Variants in RORA observed in about 807,000 individuals in gnomAD.
RORA encodes the protein nuclear receptor ROR-alpha.
RORA carries 7 observed loss-of-function variants against 69.5 expected under a neutral mutation model. That is an observed-to-expected ratio of 0.10 (90% CI 0.06 to 0.19). The LOEUF (loss-of-function observed/expected upper bound fraction) is 0.19. Ranked by LOEUF, RORA falls within the 10% of genes least tolerant of loss-of-function variation. RORA has a pLI of 1.00. For synonymous variants in RORA, 261 were observed against 240.8 expected, an observed-to-expected ratio of 1.08 and a Z score of -0.78; for missense variants, 457 against 663.0, an observed-to-expected ratio of 0.69 and a Z score of 3.41.
At chr15:60,824,466 A>G (rs890567389) in intron 1 of RORA, among the ~76,000 whole-genome samples, 1 of 151,998 alleles carries the variant, frequency 6.6e-6, no homozygotes. Flanking sequence ...AAAAACTCCT[A>G]AAGTGCCAGG....
At chr15:60,567,654 G>A (rs758262195) in intron 2 of RORA, among the ~76,000 whole-genome samples, 71 of 152,122 alleles carry the variant, frequency 4.7e-4, no homozygotes, top group Middle Eastern at 3.4e-3. Flanking sequence ...TAAGTGATCC[G>A]CCTGCCTTGG....
At chr15:60,552,379 C>G (rs1389660789) in intron 2 of RORA, among the ~76,000 whole-genome samples, 1 of 152,166 alleles carries the variant, frequency 6.6e-6, no homozygotes, top group Non-Finnish European at 1.5e-5. Flanking sequence ...CGCAAGTCAC[C>G]TGCTATGAAT....
Position 61,086,975 on chromosome 15 carries a change from C to A in RORA, c.166+142078G>T, listed in dbSNP as rs150052232. Among the ~76,000 whole-genome samples, 48 of 152,202 alleles carry A rather than the reference C, an allele frequency of 3.2e-4. No individual in the cohort carries two copies. The East Asian group carries it at 8.9e-3, about 28-fold the overall frequency. On this transcript the variant is annotated intron_variant, in intron 1 of 10. Transcript: ENST00000335670. ...ATGGCTTGAGTCCAGGAGTTTGAGA[C>A]CAGCTTGGGCAACACAGCAAGTCCC...
chr15:61,068,346 G>A (rs1320784604), intron 1 of RORA, among the ~76,000 whole-genome samples: 1 of 152,180 alleles, frequency 6.6e-6, no homozygotes, highest in Non-Finnish European at 1.5e-5. Flanking sequence ...TCTCCATTCA[G>A]AGAAGTAACA....
chr15:61,128,937 G>A lies in RORA; in HGVS notation c.166+100116C>T, dbSNP rs1057376614. ...CCGTGGCACCACGTGCCTGCCTTGG[G>A]CCCACTCCCTTCTACGAGTGCCCTT... On this transcript the variant is annotated intron_variant, in intron 1 of 10. Coordinates refer to ENST00000335670, the MANE Select transcript of RORA (RefSeq NM_134261.3). This position sits in a 1 kb window ranked among gnomAD's most constrained non-coding sequence, Gnocchi z 4.5. 6.6e-6 allele frequency among the ~76,000 whole-genome samples: 1 copy of A among 152,190 alleles called. No individual in the cohort carries two copies. The highest frequency in any genetic ancestry group is 2.4e-5 in the African/African-American group (1 of 41,434).
intron 2 of RORA, among the ~76,000 whole-genome samples, chr15:60,561,047 T>C (rs1012976762): frequency 6.6e-6 from 1 of 151,676 alleles, no homozygotes; most frequent in African/African-American, 2.4e-5. Flanking sequence ...ATGGGAAGTT[T>C]TAACTTGTGT....
At chr15:60,915,291 C>A (rs1595813926) in intron 1 of RORA, among the ~76,000 whole-genome samples, 1 of 150,572 alleles carries the variant, frequency 6.6e-6, no homozygotes, top group African/African-American at 2.4e-5. Context: ...CTTCTTTCCC[C>A]AATAAGTGGT....
Position 60,995,441 on chromosome 15 carries a change from T to C in RORA, c.166+233612A>G, listed in dbSNP as rs1232355719. ...TCTATTTCCTGGCTCCACATTCTGA[T>C]AGGCGTGACCTTGGAAGAAGCATCT... is the stretch of plus-strand genomic sequence containing the variant. On this transcript the variant is annotated intron_variant, in intron 1 of 10. Coordinates refer to ENST00000335670, the MANE Select transcript of RORA (RefSeq NM_134261.3). 2.0e-5 allele frequency among the ~76,000 whole-genome samples: 3 copies of C among 152,222 alleles called. No homozygotes were observed. The East Asian group carries it at 5.8e-4, about 29-fold the overall frequency.
At chr15:60,548,087 T>G (rs1338055360) in intron 2 of RORA, 9 of 152,196 alleles carry the variant, frequency 5.9e-5, no homozygotes, top group Non-Finnish European at 8.8e-5. Flanking sequence ...AGTCACGCTC[T>G]GAAAGAAACT....
chr15:60,535,855 C>T (rs1013574830), intron 2 of RORA, among the ~76,000 whole-genome samples: 4 of 152,144 alleles, frequency 2.6e-5, no homozygotes, highest in African/African-American at 7.2e-5. Context: ...ATACCCTATG[C>T]GGTAGGCATC....
At chr15:60,886,584 C>G (rs1323298659) in intron 1 of RORA, among the ~76,000 whole-genome samples, 1 of 152,204 alleles carries the variant, frequency 6.6e-6, no homozygotes, top group African/African-American at 2.4e-5. Flanking sequence ...ATTTCAATTC[C>G]TCCTGCAAAA....
intron 1 of RORA, among the ~76,000 whole-genome samples, chr15:60,745,000 C>T (rs1011431674): frequency 1.3e-5 from 2 of 152,186 alleles, no homozygotes; most frequent in Middle Eastern, 3.2e-3. Flanking sequence ...GCCTGGCCAC[C>T]GCGCCCTGTG....
intron 1 of RORA, among the ~76,000 whole-genome samples, chr15:60,901,886 G>A (rs1439401761): frequency 6.6e-6 from 1 of 152,166 alleles, no homozygotes; most frequent in Non-Finnish European, 1.5e-5. Context: ...GAACTACCTT[G>A]AGCTAGTAGT....
chr15:61,059,855 T>TAAAATGTAAAGGATGGAA (rs771324846), intron 1 of RORA, among the ~76,000 whole-genome samples: 1 of 151,394 alleles, frequency 6.6e-6, no homozygotes, highest in African/African-American at 2.4e-5. Flanking sequence ...AAATAATTCT[T>TAAAATGTAAAGGATGGAA]AAAATGTAAA....
intron 1 of RORA, among the ~76,000 whole-genome samples, chr15:60,998,400 TTC>T (rs926549247): frequency 1.2e-5 from 1 of 85,982 alleles, no homozygotes; most frequent in Non-Finnish European, 2.5e-5. Context: ...GTATATTTCT[TTC>T]TTTTTTTTTT....
chr15:61,175,541 T>TAAATAATAAA (rs61188463), intron 1 of RORA, among the ~76,000 whole-genome samples: 5 of 120,214 alleles, frequency 4.2e-5, no homozygotes, highest in Admixed American at 1.7e-4. Flanking sequence ...ATCCTGTTTC[T>TAAATAATAAA]AAAAAAAAAA....
chr15:61,212,470 G>A (rs1011361618), intron 1 of RORA, among the ~76,000 whole-genome samples: 1 of 152,186 alleles, frequency 6.6e-6, no homozygotes, highest in Non-Finnish European at 1.5e-5. Context: ...CGCAATCTCA[G>A]CTCCCTGCAA....
At chr15:61,076,054 C>T (rs987488943) in intron 1 of RORA, among the ~76,000 whole-genome samples, 7 of 152,202 alleles carry the variant, frequency 4.6e-5, no homozygotes, top group African/African-American at 1.4e-4. Context: ...CCTGCTTCTA[C>T]CCTAGGTCAT....
chr15:61,009,574 C>T (rs528182183), intron 1 of RORA, among the ~76,000 whole-genome samples: 55 of 152,270 alleles, frequency 3.6e-4, no homozygotes, highest in African/African-American at 1.3e-3. Flanking sequence ...TCAGATAGAT[C>T]GTCTTAATGA....
Sources: gnomAD v4.1 joint callset for allele counts (sites outside exome capture counted in the v4.1 genomes callset) on GRCh38, gnomAD v4.1.1 for gene constraint, Gnocchi (gnomAD v3.1) non-coding constraint, MANE v1.5 for transcripts, NCBI Gene and HGNC (gene_info 2026-07-23, HGNC 2026-07-21) for gene names.